SLC35F2: variants seen among roughly 807,000 people sequenced by gnomAD.
The protein encoded by SLC35F2 is solute carrier family 35 member F2.
Under a neutral mutation model 38.1 loss-of-function variants are expected in SLC35F2, and 25 were observed. The ratio of observed to expected loss-of-function variants is 0.66; its 90% CI spans 0.48 to 0.92. The LOEUF (loss-of-function observed/expected upper bound fraction) is 0.92, where lower values mean the gene tolerates loss of function less well. SLC35F2 is among the 40% of genes least tolerant of loss of function. SLC35F2 has a pLI of 0.00. For missense variants in SLC35F2, 409 were observed against 452.9 expected (o/e 0.90, Z 0.88); for synonymous variants, 173 against 181.7 (o/e 0.95, Z 0.38).
chr11:107,800,294 C>T (rs1859287235), intron 7 of SLC35F2, among the ~76,000 whole-genome samples: 1 of 148,188 alleles, frequency 6.7e-6, no homozygotes, highest in Non-Finnish European at 1.5e-5. Flanking sequence ...GGTTCCTTCA[C>T]ATGTAACCTT....
chr11:107,843,122 T>C (rs1272838950), intron 1 of SLC35F2, among the ~76,000 whole-genome samples: 1 of 152,198 alleles, frequency 6.6e-6, no homozygotes, highest in Non-Finnish European at 1.5e-5. Context: ...AGCATACTTT[T>C]TAGAAATACA....
chr11:107,841,379 A>G (rs1380306929), intron 1 of SLC35F2, among the ~76,000 whole-genome samples: 1 of 152,110 alleles, frequency 6.6e-6, no homozygotes, highest in Non-Finnish European at 1.5e-5. Flanking sequence ...CCTGACCAAC[A>G]TGGTGAAACC....
At chr11:107,858,542 G>A in intron 1 of SLC35F2, 116 bp downstream of exon 1, 3 of 971,144 alleles carry the variant, frequency 3.1e-6, no homozygotes, top group Non-Finnish European at 4.1e-6. Flanking sequence ...CCGTGCGGCC[G>A]CCACCTCTGC....
At chr11:107,858,496 C>G (rs1860333146) in intron 1 of SLC35F2, 162 bp downstream of exon 1, 1 of 537,688 alleles carries the variant, frequency 1.9e-6, no homozygotes, top group African/African-American at 2.0e-5. Context: ...TGAAGCGCAC[C>G]ATACCTGGTG....
chr11:107,824,861 C>A (rs1215567498), intron 1 of SLC35F2, among the ~76,000 whole-genome samples: 1 of 152,142 alleles, frequency 6.6e-6, no homozygotes, highest in African/African-American at 2.4e-5. Flanking sequence ...TAGCCTCTAC[C>A]CATATGCAGC....
chr11:107,816,287 A>T, intron 1 of SLC35F2: 1 of 967,070 alleles, frequency 1.0e-6, no homozygotes, highest in African/African-American at 2.1e-5. Context: ...TGTGTGTATG[A>T]CTTTTTTTTT....
intron 2 of SLC35F2, among the ~76,000 whole-genome samples, chr11:107,812,818 TGG>T (rs1471607489): frequency 1.3e-5 from 2 of 152,208 alleles, no homozygotes; most frequent in African/African-American, 4.8e-5. Context: ...AGAAATTAAT[TGG>T]TTATTTAACT....
In SLC35F2 at chr11:107,858,692, G is replaced by T; in HGVS notation, c.76C>A (p.Leu26Met). The T allele has an allele frequency of 7.7e-7, 1 of 1,302,314 alleles. No individual in the cohort carries two copies. Among genetic ancestry groups the T allele is most frequent in the Non-Finnish European group, 9.8e-7 (1 of 1,017,368 alleles). 80.7% of individuals were successfully genotyped at this position (1,302,314 alleles called of 1,614,324 possible). The change falls in exon 1 of 8, where the codon CTG becomes ATG. Residue 26 changes from leucine to methionine, a missense_variant. Coordinates refer to ENST00000525815, the MANE Select transcript of SLC35F2 (RefSeq NM_017515.5). ...AEGAAAEFSS[L>M]LRRIKGKLFT... is the part of the protein sequence containing the mutation. ...AGTTTGCCTTTTATCCTGCGCAGCA[G>T]GCTGGAGAACTCGGCCGCCGCTCCC... is the stretch of plus-strand genomic sequence containing the variant.
Position 107,858,660 on chromosome 11 carries a change from G to C in SLC35F2, c.108C>G (p.Thr36=). ...LLRRIKGKLF[T]WNILKTIALG... ...TGCAGCACGCCCCTTCCACTCACCA[G>C]GTGAAGAGTTTGCCTTTTATCCTGC... Residue 36 remains threonine (T), a splice_region_variant and synonymous_variant, in exon 1 of 8, where the codon ACC becomes ACG. Transcript: ENST00000525815. 7.7e-7 allele frequency: 1 copy of C among 1,297,668 alleles called. No individual in the cohort carries two copies. The highest frequency in any genetic ancestry group is 9.9e-7 in the Non-Finnish European group (1 of 1,014,888). 80.4% of individuals were successfully genotyped at this position (1,297,668 alleles called of 1,614,324 possible).
At chr11:107,851,880 A>G (rs1430517391) in intron 1 of SLC35F2, among the ~76,000 whole-genome samples, 1 of 152,232 alleles carries the variant, frequency 6.6e-6, no homozygotes, top group African/African-American at 2.4e-5. Flanking sequence ...CTAACTTTAC[A>G]TCTTTGTTTA....
At chr11:107,793,125 C>T (rs996581354) in intron 7 of SLC35F2, among the ~76,000 whole-genome samples, 1 of 152,154 alleles carries the variant, frequency 6.6e-6, no homozygotes, top group Non-Finnish European at 1.5e-5. Context: ...CCATGTTGCC[C>T]AGGATGGTCT....
Position 107,792,701 on chromosome 11 carries a change from C to T in SLC35F2, c.1039G>A (p.Val347Met), listed in dbSNP as rs201723525. 3.8e-5 allele frequency: 62 copies of T among 1,613,918 alleles called. No homozygotes were observed. The African/African-American group carries it at 4.1e-4, about 11-fold the overall frequency. ...ATCCCAATGCTGGTGACTGGAGGCA[C>T]GCTGCTTTCAGCCGGCTCGGCCGTG... ...TRTAEPAESS[V>M]PPVTSIGIDN... is the part of the protein sequence containing the mutation. Residue 347 changes from valine to methionine, a missense_variant, in exon 8 of 8, where the codon GTG (valine) becomes ATG (methionine). By Grantham distance (21) the Val-to-Met change is conservative. Transcript: ENST00000525815.
intron 1 of SLC35F2, among the ~76,000 whole-genome samples, chr11:107,822,686 T>C (rs1308774443): frequency 1.3e-5 from 2 of 152,182 alleles, no homozygotes; most frequent in African/African-American, 4.8e-5. Flanking sequence ...GTATTTGCTA[T>C]TGTTGAACAA....
chr11:107,810,297 G>A (rs1353781501), intron 3 of SLC35F2: 1 of 985,200 alleles, frequency 1.0e-6, no homozygotes, highest in Non-Finnish European at 1.2e-6. Context: ...CAATTTCTTT[G>A]AAATTGAAAG....
chr11:107,797,380 G>T (rs1037659080), intron 7 of SLC35F2, among the ~76,000 whole-genome samples: 1 of 133,680 alleles, frequency 7.5e-6, no homozygotes, highest in Non-Finnish European at 1.6e-5. Context: ...GAGTGAGACA[G>T]AGAGAGAAGA....
At chr11:107,813,173 G>A (rs186787296) in intron 2 of SLC35F2, among the ~76,000 whole-genome samples, 22 of 152,256 alleles carry the variant, frequency 1.4e-4, no homozygotes, top group African/African-American at 4.8e-4. Context: ...GGCCGGGTGC[G>A]GTGGCTCACA....
At position 107,816,291 on chromosome 11, in the gene SLC35F2, T is replaced by C. The variant is rs541904292; in HGVS notation, c.111-326A>G. Reference sequence around the variant, plus strand: ...ACGTGTGTGTGTGTGTGTATGACTTTTTTTTTTTGAGACAGGGTCTTGTTC... The same window carrying C: ...ACGTGTGTGTGTGTGTGTATGACTTCTTTTTTTTGAGACAGGGTCTTGTTC... On this transcript the variant is annotated intron_variant, in intron 1 of 7. Transcript: ENST00000525815. 9.2e-6 allele frequency: 9 copies of C among 973,206 alleles called. No homozygotes were observed. In the African/African-American group the frequency reaches 1.7e-4, roughly 18 times the overall value. 60.3% of individuals were successfully genotyped at this position (973,206 alleles called of 1,614,324 possible). A position where few individuals can be genotyped will look rare whatever the true frequency, so the allele number is the denominator to read the frequency against.
At chr11:107,847,085 C>T (rs766385357) in intron 1 of SLC35F2, among the ~76,000 whole-genome samples, 7 of 152,166 alleles carry the variant, frequency 4.6e-5, no homozygotes, top group Non-Finnish European at 8.8e-5. Context: ...GGGACTTACC[C>T]TGTCGCCCAG....
chr11:107,827,432 G>A (rs956212560), intron 1 of SLC35F2, among the ~76,000 whole-genome samples: 1 of 151,646 alleles, frequency 6.6e-6, no homozygotes, highest in Non-Finnish European at 1.5e-5. Context: ...CTGGCCAAAA[G>A]GGTGAAACCC....
Sources: allele counts gnomAD v4.1 joint callset (sites outside exome capture counted in the v4.1 genomes callset), GRCh38; gene constraint gnomAD v4.1.1; transcripts MANE v1.5; gene names NCBI Gene and HGNC (gene_info 2026-07-23, HGNC 2026-07-21).